Variants in RFX7 observed in about 807,000 individuals in gnomAD.
RFX7 encodes the protein DNA-binding protein RFX7.
Under a neutral mutation model 111.8 loss-of-function variants are expected in RFX7, and 26 were observed. The observed-to-expected ratio is 0.23, with a 90% CI of 0.17 to 0.32. The LOEUF (loss-of-function observed/expected upper bound fraction) is 0.32, where lower values mean the gene tolerates loss of function less well. Ranked by LOEUF, RFX7 falls within the 10% of genes least tolerant of loss-of-function variation. The pLI is 1.00. For synonymous variants in RFX7, 624 were observed against 624.4 expected (o/e 1.00, Z 0.01); for missense variants, 1,573 against 1,772.9 (o/e 0.89, Z 2.02).
At position 56,224,177 on chromosome 15, in the gene RFX7, A is replaced by G. The variant is rs116695817; in HGVS notation, c.161+18948T>C. Reference sequence around the variant, plus strand: ...TTAAAATTTTTGTAAAATTTTGTAAAATGAACGGTGCCAGTCCTGGTAAGG... The same window carrying G: ...TTAAAATTTTTGTAAAATTTTGTAAGATGAACGGTGCCAGTCCTGGTAAGG... On this transcript the variant is annotated intron_variant, in intron 2 of 9. Transcript: ENST00000559447. 4.4e-3 allele frequency among the ~76,000 whole-genome samples: 676 copies of G among 152,176 alleles called. 7 individuals are homozygous for G. The highest frequency in any genetic ancestry group is 0.016 in the African/African-American group (652 of 41,546).
rs188254319 is a variant in RFX7, at chr15:56,181,769, C to G, written c.162-2466G>C. On this transcript the variant is annotated intron_variant, in intron 2 of 9. Coordinates refer to ENST00000559447, the MANE Select transcript of RFX7 (RefSeq NM_022841.7). The stretch of plus-strand genomic sequence containing the variant: ...AAGGAGGATGGTTCTATCCACCTAT[C>G]ACAAACAACTTGGTAAACCTCTAAA... Among the ~76,000 whole-genome samples the G allele has an allele frequency of 1.1e-3, 170 of 152,218 alleles. 1 individual carries two copies. Among genetic ancestry groups the G allele is most frequent in the African/African-American group, 3.9e-3 (161 of 41,530 alleles).
intron 2 of RFX7, among the ~76,000 whole-genome samples, chr15:56,224,472 T>TGC (rs1472902037): frequency 6.6e-6 from 1 of 151,150 alleles, no homozygotes; most frequent in Non-Finnish European, 1.5e-5. Flanking sequence ...GGATTTTGTG[T>TGC]GTGTGTGTGT....
chr15:56,189,682 G>A (rs909294990), intron 2 of RFX7, among the ~76,000 whole-genome samples: 4 of 152,240 alleles, frequency 2.6e-5, no homozygotes, highest in Middle Eastern at 3.4e-3. Flanking sequence ...AATCAAAATC[G>A]CAACAATACA....
intron 2 of RFX7, among the ~76,000 whole-genome samples, chr15:56,207,797 C>T (rs1345571626): frequency 1.3e-5 from 2 of 152,076 alleles, no homozygotes; most frequent in Admixed American, 1.3e-4. Context: ...CCGAAAAAAA[C>T]TGAAAAATCA....
intron 3 of RFX7, among the ~76,000 whole-genome samples, chr15:56,161,294 C>T (rs1254333818): frequency 2.6e-5 from 4 of 151,994 alleles, no homozygotes; most frequent in Non-Finnish European, 5.9e-5. Context: ...TTTGAACTTC[C>T]CTCAACTATA....
chr15:56,218,152 T>TC lies in RFX7; in HGVS notation c.161+24972_161+24973insG, dbSNP rs2043383853. Reference sequence around the variant, plus strand: ...AATTTAGAAATGATTTTCTTTTTTTTTTTTTTTTTTTTTTTTTTTGAGACG... The same window carrying TC: ...AATTTAGAAATGATTTTCTTTTTTTTCTTTTTTTTTTTTTTTTTTTGAGACG... On this transcript the variant is annotated intron_variant, in intron 2 of 9. Transcript: ENST00000559447. Among the ~76,000 whole-genome samples the TC allele has an allele frequency of 2.4e-5, 3 of 123,268 alleles. No individual in the cohort carries two copies. The East Asian group carries it at 6.4e-4, about 26-fold the overall frequency. The allele number at this position is 123,268 out of a possible 152,430, so 80.9% of individuals were successfully genotyped here.
At chr15:56,108,536 T>C (rs1464369194) in intron 5 of RFX7, among the ~76,000 whole-genome samples, 1 of 152,026 alleles carries the variant, frequency 6.6e-6, no homozygotes, top group Non-Finnish European at 1.5e-5. Flanking sequence ...AACTAGGTAT[T>C]GATGGAACAT....
intron 5 of RFX7, among the ~76,000 whole-genome samples, chr15:56,108,636 C>T (rs2041863660): frequency 6.6e-6 from 1 of 152,102 alleles, no homozygotes; most frequent in Non-Finnish European, 1.5e-5. Flanking sequence ...TGAAAACCGG[C>T]ACAAGACAAG....
At chr15:56,175,941 T>C (rs2042898096) in intron 3 of RFX7, among the ~76,000 whole-genome samples, 1 of 152,182 alleles carries the variant, frequency 6.6e-6, no homozygotes, top group Non-Finnish European at 1.5e-5. Context: ...GTTTAGTCAT[T>C]AGTGACTACT....
chr15:56,143,792 A>C (rs1405554161), intron 4 of RFX7, among the ~76,000 whole-genome samples: 1 of 152,200 alleles, frequency 6.6e-6, no homozygotes, highest in African/African-American at 2.4e-5. Context: ...AGTTTTAAAA[A>C]ATAGAATGAT....
intron 2 of RFX7, among the ~76,000 whole-genome samples, chr15:56,237,631 A>C (rs1331434980): frequency 1.8e-4 from 27 of 152,198 alleles, no homozygotes; most frequent in Non-Finnish European, 2.9e-4. Flanking sequence ...ACATAAACCA[A>C]ATCAGTCCTG....
At position 56,098,146 on chromosome 15, in the gene RFX7, T is replaced by C; in HGVS notation, c.1042A>G (p.Asn348Asp). The C allele has an allele frequency of 3.1e-6, 5 of 1,613,942 alleles. No individual in the cohort carries two copies. Among genetic ancestry groups the C allele is most frequent in the Non-Finnish European group, 4.2e-6 (5 of 1,179,852 alleles). The change falls in exon 9 of 10, where the codon AAT becomes GAT. Residue 348 changes from asparagine (N) to aspartate (D), a missense_variant. Transcript: ENST00000559447. ...SNGVTNLPNG[N>D]PSILSPQPIG... ...GGTTGAGGAGAAAGGATTGAAGGAT[T>C]TCCATTAGGAAGATTAGTCACTCCA...
rs1308776807 is a variant in RFX7, at chr15:56,091,267, T to A, written c.*2078A>T. ...ACTTTGATGACATTTTGTCTTTTCA[T>A]AATGAAACACATTTAAAAAGTTTAA... On this transcript the variant is annotated 3_prime_UTR_variant, in exon 10 of 10. Coordinates refer to ENST00000559447, the MANE Select transcript of RFX7 (RefSeq NM_022841.7). The A allele has an allele frequency of 6.6e-6, 1 of 152,580 alleles. No homozygotes were observed. Among genetic ancestry groups the A allele is most frequent in the African/African-American group, 2.4e-5 (1 of 41,458 alleles). 9.5% of individuals were successfully genotyped at this position (152,580 alleles called of 1,614,324 possible).
chr15:56,179,194 A>ACTTGAAAACTGTATATTTTATATCGT (rs2042935431), intron 3 of RFX7, 76 bp downstream of exon 3: 1 of 654,930 alleles, frequency 1.5e-6, no homozygotes, highest in Non-Finnish European at 2.3e-6. Context: ...ATCAATATTT[A>ACTTGAAAACTGTATATTTTATATCGT]CTTGAAAACT....
chr15:56,154,888 C>G (rs1231853451), intron 3 of RFX7, among the ~76,000 whole-genome samples: 1 of 152,004 alleles, frequency 6.6e-6, no homozygotes, highest in Non-Finnish European at 1.5e-5. Flanking sequence ...ATCCACCTGA[C>G]AAAGGACTAA....
At chr15:56,201,567 G>T (rs1426300914) in intron 2 of RFX7, among the ~76,000 whole-genome samples, 1 of 152,122 alleles carries the variant, frequency 6.6e-6, no homozygotes, top group Non-Finnish European at 1.5e-5. Context: ...GTTATTAGTG[G>T]AAATAGGTAA....
chr15:56,204,207 TG>T (rs1179287013), intron 2 of RFX7, among the ~76,000 whole-genome samples: 1 of 151,926 alleles, frequency 6.6e-6, no homozygotes, highest in Non-Finnish European at 1.5e-5. Context: ...TTAATAGAGA[TG>T]GGGTTTCACC....
intron 3 of RFX7, among the ~76,000 whole-genome samples, chr15:56,148,325 C>T (rs962944532): frequency 3.3e-5 from 5 of 152,302 alleles, no homozygotes; most frequent in South Asian, 2.1e-4. Context: ...TTTATGAAGA[C>T]GGTTTTTCTG....
intron 2 of RFX7, among the ~76,000 whole-genome samples, chr15:56,217,841 C>T (rs1240648786): frequency 6.6e-6 from 1 of 152,196 alleles, no homozygotes; most frequent in East Asian, 1.9e-4. Context: ...TATTCTTTCA[C>T]TCAATCGAGC....
Sources: gnomAD v4.1 joint callset for allele counts (sites outside exome capture counted in the v4.1 genomes callset) on GRCh38, gnomAD v4.1.1 for gene constraint, MANE v1.5 for transcripts, NCBI Gene and HGNC (gene_info 2026-07-23, HGNC 2026-07-21) for gene names.